Variants in USP50 observed in about 807,000 individuals in gnomAD.
USP50 encodes the protein ubiquitin carboxyl-terminal hydrolase 50.
USP50 carries 37 observed loss-of-function variants against 39.2 expected under a neutral mutation model. That is an observed-to-expected ratio of 0.94 (90% CI 0.73 to 1.24). The LOEUF (loss-of-function observed/expected upper bound fraction) is 1.24, where lower values mean the gene tolerates loss of function less well. Among genes scored for constraint, USP50 ranks in the 50% most tolerant of loss-of-function variants. The pLI is 0.00. For synonymous variants in USP50, 139 were observed against 144.5 expected, an observed-to-expected ratio of 0.96 and a Z score of 0.27; for missense variants, 374 against 398.2, an observed-to-expected ratio of 0.94 and a Z score of 0.52.
downstream of USP50, chr15:50,493,884 A>C: frequency 1.3e-6 from 1 of 776,444 alleles, no homozygotes; most frequent in South Asian, 1.4e-5. Context: ...CAAAAGAAGG[A>C]AGCTGAAGGG....
intron 1 of USP50, among the ~76,000 whole-genome samples, chr15:50,495,203 T>TAC (rs577089941): frequency 0.019 from 2,905 of 149,058 alleles, 48 homozygotes; most frequent in Admixed American, 0.031. Context: ...TATATATATA[T>TAC]ACACACACAC....
chr15:50,525,181 A>G (rs2052878665), intron 6 of USP50, among the ~76,000 whole-genome samples: 1 of 152,202 alleles, frequency 6.6e-6, no homozygotes, highest in South Asian at 2.1e-4. Context: ...CAGAAAGACA[A>G]ATACTGCACG....
At chr15:50,509,163 T>TAAAAAA (rs2052705485) in intron 6 of USP50, 1 of 89,936 alleles carries the variant, frequency 1.1e-5, no homozygotes, top group Non-Finnish European at 2.3e-5. Context: ...AAAAAAAAAT[T>TAAAAAA]ACAAAATTAG....
At chr15:50,538,612 A>C in intron 5 of USP50, 97 bp downstream of exon 5, 1 of 1,255,466 alleles carries the variant, frequency 8.0e-7, no homozygotes, top group Non-Finnish European at 1.1e-6. Flanking sequence ...AATATCATTG[A>C]ATTGTATACT....
chr15:50,527,021 C>T (rs1003134692), intron 6 of USP50, among the ~76,000 whole-genome samples: 6 of 152,166 alleles, frequency 3.9e-5, no homozygotes, highest in African/African-American at 1.4e-4. Context: ...CCTTGTAAAG[C>T]AGTAAACTCT....
Position 50,537,896 on chromosome 15 carries a change from GAGGGA to G in USP50, c.803+808_803+812del, listed in dbSNP as rs1245564528. 2.0e-4 allele frequency among the ~76,000 whole-genome samples: 3 copies of G among 15,168 alleles called. No individual in the cohort carries two copies. The East Asian group carries it at 9.3e-3, about 47-fold the overall frequency. 10.0% of individuals were successfully genotyped at this position (15,168 alleles called of 152,430 possible). ...GGAGGGAGGGGAGGGGAGGGGAGGG[GAGGGA>G]AGGGGAGGGAAGGGAAGGGAAGGGA... is the stretch of plus-strand genomic sequence containing the variant. On this transcript the variant is annotated intron_variant, in intron 5 of 6. Coordinates refer to ENST00000532404, the MANE Select transcript of USP50 (RefSeq NM_203494.5).
At chr15:50,495,757 A>C, downstream of USP50, 1 of 1,041,370 alleles carries the variant, frequency 9.6e-7, no homozygotes, top group Non-Finnish European at 1.4e-6. Flanking sequence ...GTGTTTCTAA[A>C]TCTGGCAAGT....
At chr15:50,535,962 A>C (rs1174153935) in intron 5 of USP50, among the ~76,000 whole-genome samples, 1 of 152,212 alleles carries the variant, frequency 6.6e-6, no homozygotes, top group Non-Finnish European at 1.5e-5. Context: ...CAGTAAACTA[A>C]GAATAGAGGA....
At chr15:50,543,191 C>T (rs942201526) in intron 3 of USP50, among the ~76,000 whole-genome samples, 6 of 152,090 alleles carry the variant, frequency 3.9e-5, no homozygotes, top group African/African-American at 1.4e-4. Context: ...AAAATTTAAG[C>T]TATAAAGTTC....
Position 50,529,930 on chromosome 15 carries a change from C to T in USP50, c.804-1G>A, listed in dbSNP as rs2052927512. 1.2e-6 allele frequency: 2 copies of T among 1,613,328 alleles called. No homozygotes were observed. Among genetic ancestry groups the T allele is most frequent in the Non-Finnish European group, 1.7e-6 (2 of 1,179,762 alleles). On this transcript the variant is annotated splice_acceptor_variant, in intron 5 of 6. Transcript: ENST00000532404. LOFTEE classifies it high-confidence loss of function. ...TTTTGTTGTACCCTGAATGTCAAAC[C>T]TGCAGGTATAATAAATGTGTGAAAT... is the stretch of plus-strand genomic sequence containing the variant.
chr15:50,538,783 A>G lies in USP50; in HGVS notation c.729T>C (p.Cys243=), dbSNP rs369438855. The change falls in exon 5 of 7, where the codon TGT becomes TGC. Residue 243 remains cysteine (C), a synonymous_variant. Coordinates refer to ENST00000532404, the MANE Select transcript of USP50 (RefSeq NM_203494.5). Reference sequence around the variant, plus strand: ...TCACAGCAGTTTCTTGCTTGGTTTCACAAAAGGAGCAGTGAATTTCGTTGT... The same window carrying G: ...TCACAGCAGTTTCTTGCTTGGTTTCGCAAAAGGAGCAGTGAATTTCGTTGT... ...TWNNEIHCSF[C]ETKQETAVRA... is the part of the protein sequence containing the mutation. 2 of 1,613,632 alleles carry G rather than the reference A, an allele frequency of 1.2e-6. No homozygotes were observed. Among genetic ancestry groups the G allele is most frequent in the African/African-American group, 2.7e-5 (2 of 74,890 alleles).
In USP50 at chr15:50,531,408, C is replaced by T. The variant is rs572380605; in HGVS notation, c.804-1479G>A. Among the ~76,000 whole-genome samples, 6 of 152,184 alleles carry T rather than the reference C, an allele frequency of 3.9e-5. No individual in the cohort carries two copies. In the East Asian group the frequency reaches 1.2e-3, roughly 29 times the overall value. On this transcript the variant is annotated intron_variant, in intron 5 of 6. Transcript: ENST00000532404. ...ATAAAAAAGGCACTACTAATGCACGCAACAACACAAAAGAATCATGCTAAG... is the reference window on the plus strand; with the variant it reads ...ATAAAAAAGGCACTACTAATGCACGTAACAACACAAAAGAATCATGCTAAG...
downstream of USP50, chr15:50,498,357 C>T: frequency 2.3e-6 from 1 of 427,044 alleles, no homozygotes; most frequent in South Asian, 4.6e-5. Context: ...AGTCCTACCT[C>T]TACCATTCTG....
chr15:50,507,022 C>A (rs1566901646), intron 6 of USP50: 1 of 146,898 alleles, frequency 6.8e-6, no homozygotes, highest in East Asian at 2.0e-4. Context: ...GTGGCTCATG[C>A]CTGTAATCCC....
chr15:50,542,863 T>C (rs1414253436), intron 3 of USP50, among the ~76,000 whole-genome samples: 2 of 152,138 alleles, frequency 1.3e-5, no homozygotes, highest in African/African-American at 4.8e-5. Flanking sequence ...TAGCTATAGT[T>C]TGCAACCTTT....
At chr15:50,511,102 A>G (rs2052733853) in intron 6 of USP50, 3 of 152,288 alleles carry the variant, frequency 2.0e-5, no homozygotes, top group Non-Finnish European at 4.4e-5. Flanking sequence ...TTCTCTGTAC[A>G]ATTCTTTCAG....
At chr15:50,497,269 A>G, downstream of USP50, 1 of 1,560,576 alleles carries the variant, frequency 6.4e-7, no homozygotes, top group East Asian at 2.3e-5. Context: ...CAGTGAAATT[A>G]AATGAGGGAA....
rs181197967 is a variant in USP50, at chr15:50,525,352, C to T, written c.936+4445G>A. Among the ~76,000 whole-genome samples, 5 of 151,628 alleles carry T rather than the reference C, an allele frequency of 3.3e-5. No homozygotes were observed. The South Asian group carries it at 8.3e-4, about 25-fold the overall frequency. On this transcript the variant is annotated intron_variant, in intron 6 of 6. Transcript: ENST00000532404. ...ATCTATTGCGTGGCAGAGTGGCTAT[C>T]GTAAATAAAAGGTATTGTGTATTTC...
chr15:50,522,591 G>A (rs187345450), intron 6 of USP50, among the ~76,000 whole-genome samples: 78 of 152,196 alleles, frequency 5.1e-4, no homozygotes, highest in Middle Eastern at 3.4e-3. Flanking sequence ...AAATTACAAG[G>A]CAAGAGCCCT....
Sources: gnomAD v4.1 joint callset for allele counts (sites outside exome capture counted in the v4.1 genomes callset) on GRCh38, gnomAD v4.1.1 for gene constraint, MANE v1.5 for transcripts, NCBI Gene and HGNC (gene_info 2026-07-23, HGNC 2026-07-21) for gene names.